Variants in HCRTR2 observed in about 807,000 individuals in gnomAD.
The protein encoded by HCRTR2 is hypocretin receptor 2, also known as orexin receptor type 2.
HCRTR2 carries 22 observed loss-of-function variants against 49.0 expected under a neutral mutation model. The ratio of observed to expected loss-of-function variants is 0.45; its 90% CI spans 0.32 to 0.64. HCRTR2 has a LOEUF of 0.64. HCRTR2 is among the 30% of genes least tolerant of loss of function. HCRTR2 has a pLI of 0.04. For synonymous variants in HCRTR2, 236 were observed against 205.3 expected (o/e 1.15, Z -1.28); for missense variants, 491 against 559.4 (o/e 0.88, Z 1.23).
chr6:55,111,353 CA>C (rs147756740), intron 1 of HCRTR2, among the ~76,000 whole-genome samples: 42,509 of 151,704 alleles, frequency 0.28, 6,678 homozygotes, highest in Non-Finnish European at 0.36. Context: ...AAACAAAAAA[CA>C]TAAGATAAAT....
intron 1 of HCRTR2, among the ~76,000 whole-genome samples, chr6:55,200,235 TTGTGTGTGTGTGTGTG>T (rs34710192): frequency 7.4e-5 from 10 of 135,294 alleles, no homozygotes; most frequent in Non-Finnish European, 1.2e-4. Context: ...GTTTGCTGTC[TTGTGTGTGTGTGTGTG>T]TGTGTGTGTG....
At chr6:55,190,355 G>A (rs1274113544) in intron 1 of HCRTR2, among the ~76,000 whole-genome samples, 1 of 152,148 alleles carries the variant, frequency 6.6e-6, no homozygotes, top group East Asian at 1.9e-4. Context: ...TTTCATGCCA[G>A]GTAGGTTGAT....
At chr6:55,260,916 A>G (rs1246140077) in intron 3 of HCRTR2, among the ~76,000 whole-genome samples, 2 of 152,188 alleles carry the variant, frequency 1.3e-5, no homozygotes, top group Non-Finnish European at 2.9e-5. Flanking sequence ...ATGCTTCTAC[A>G]TCCCCTTTAT....
chr6:55,228,305 G>A (rs1288310530), intron 1 of HCRTR2, among the ~76,000 whole-genome samples: 1 of 151,732 alleles, frequency 6.6e-6, no homozygotes, highest in African/African-American at 2.4e-5. Flanking sequence ...AAGTTGAAAA[G>A]ACAGCAACAG....
intron 1 of HCRTR2, among the ~76,000 whole-genome samples, chr6:55,203,128 A>G (rs1765539861): frequency 6.6e-6 from 1 of 152,196 alleles, no homozygotes; most frequent in African/African-American, 2.4e-5. Flanking sequence ...TTGCCTCTAT[A>G]CAGAGAAAAA....
At chr6:55,149,931 A>C (rs1764641328) in intron 1 of HCRTR2, among the ~76,000 whole-genome samples, 1 of 151,990 alleles carries the variant, frequency 6.6e-6, no homozygotes, top group South Asian at 2.1e-4. Flanking sequence ...TAAACTTTTA[A>C]ATTCTAATCA....
intron 1 of HCRTR2, among the ~76,000 whole-genome samples, chr6:55,126,588 A>G (rs1764281637): frequency 6.6e-6 from 1 of 152,188 alleles, no homozygotes; most frequent in Non-Finnish European, 1.5e-5. Context: ...CCAGTTGAGG[A>G]GGCAATCTGC....
At chr6:55,240,677 C>T (rs1486799108) in intron 1 of HCRTR2, 2 of 256,820 alleles carry the variant, frequency 7.8e-6, no homozygotes, top group Non-Finnish European at 1.6e-5. Flanking sequence ...AAGGAAAATG[C>T]CTCAGGATTT....
chr6:55,277,253 C>A, intron 4 of HCRTR2, 127 bp from the exon 5 acceptor site: 1 of 747,978 alleles, frequency 1.3e-6, no homozygotes, highest in Non-Finnish European at 2.4e-6. Context: ...TCTGGAGAAA[C>A]AGGCGCTCAA....
chr6:55,215,310 C>CA (rs1264209882), intron 1 of HCRTR2, among the ~76,000 whole-genome samples: 1 of 151,940 alleles, frequency 6.6e-6, no homozygotes, highest in Non-Finnish European at 1.5e-5. Context: ...AGTCTGCCAA[C>CA]AAAAAATCCT....
intron 1 of HCRTR2, among the ~76,000 whole-genome samples, chr6:55,119,139 A>G (rs552738831): frequency 1.3e-5 from 2 of 152,232 alleles, no homozygotes; most frequent in South Asian, 4.2e-4. Context: ...ATGGCTGCAC[A>G]GTATTCCATG....
At chr6:55,243,034 A>T (rs929019057) in intron 1 of HCRTR2, among the ~76,000 whole-genome samples, 8 of 151,866 alleles carry the variant, frequency 5.3e-5, no homozygotes, top group African/African-American at 1.9e-4. Flanking sequence ...GCCACTTTCC[A>T]TGTCTTACGG....
chr6:55,115,516 G>A lies in HCRTR2; in HGVS notation c.-378+8971G>A, dbSNP rs573862371. ...TGTGTGTGTGTGTGTGTGTGTGGTA[G>A]TAGTAGTAGTAGTACTAGCAGTAGT... On this transcript the variant is annotated intron_variant, in intron 1 of 7. Coordinates refer to the HCRTR2 transcript ENST00000615358. Among the ~76,000 whole-genome samples, 7 of 149,816 alleles carry A rather than the reference G, an allele frequency of 4.7e-5. No homozygotes were observed. The South Asian group carries it at 1.5e-3, about 31-fold the overall frequency.
At chr6:55,224,712 G>A (rs1234777850) in intron 1 of HCRTR2, among the ~76,000 whole-genome samples, 1 of 152,000 alleles carries the variant, frequency 6.6e-6, no homozygotes, top group African/African-American at 2.4e-5. Flanking sequence ...CCTGTCATTT[G>A]CAACAACATG....
chr6:55,259,024 C>T (rs1234966721), intron 3 of HCRTR2, among the ~76,000 whole-genome samples: 1 of 152,110 alleles, frequency 6.6e-6, no homozygotes, highest in East Asian at 1.9e-4. Context: ...GCACTCCAGC[C>T]TGGGCAAAAG....
intron 1 of HCRTR2, among the ~76,000 whole-genome samples, chr6:55,205,475 T>C (rs1765584752): frequency 6.6e-6 from 1 of 152,108 alleles, no homozygotes; most frequent in South Asian, 2.1e-4. Context: ...AAGTCAACCA[T>C]AAAATTTGGC....
intron 1 of HCRTR2, among the ~76,000 whole-genome samples, chr6:55,116,477 G>A (rs1370279392): frequency 4.0e-5 from 6 of 151,106 alleles, no homozygotes; most frequent in African/African-American, 1.5e-4. Flanking sequence ...GGAAGAGGAA[G>A]AGGGAAAGAA....
intron 3 of HCRTR2, among the ~76,000 whole-genome samples, chr6:55,262,407 T>A (rs981623177): frequency 1.5e-5 from 2 of 137,170 alleles, no homozygotes; most frequent in Non-Finnish European, 3.1e-5. Context: ...ATATAATGTA[T>A]TATATGTTAT....
At chr6:55,261,432 C>T (rs992282591) in intron 3 of HCRTR2, among the ~76,000 whole-genome samples, 1 of 151,584 alleles carries the variant, frequency 6.6e-6, no homozygotes, top group Admixed American at 6.6e-5. Context: ...TTTGATGGAG[C>T]CTCGCACTGT....
Sources: gnomAD v4.1 joint callset for allele counts (sites outside exome capture counted in the v4.1 genomes callset) on GRCh38, gnomAD v4.1.1 for gene constraint, MANE v1.5 for transcripts, NCBI Gene and HGNC (gene_info 2026-07-23, HGNC 2026-07-21) for gene names.